The following COL15A1 variants were observed in gnomAD, a reference collection of about 807,000 sequenced individuals.
The protein encoded by COL15A1 is collagen type XV alpha 1 chain.
A neutral mutation model predicts 165.9 loss-of-function variants in COL15A1; 111 were observed. That is an observed-to-expected ratio of 0.67 (90% CI 0.57 to 0.78). The LOEUF is 0.78. Ranked by LOEUF, COL15A1 falls within the 30% of genes least tolerant of loss-of-function variation. The probability of loss-of-function intolerance (pLI) is 0.00; values close to 1 mark genes in which losing one functional copy is unlikely to be tolerated. For synonymous variants in COL15A1, 659 were observed against 674.8 expected, an observed-to-expected ratio of 0.98 and a Z score of 0.36; for missense variants, 1,745 against 1,789.7, an observed-to-expected ratio of 0.98 and a Z score of 0.45.
chr9:98,981,361 G>T (rs564813942), intron 2 of COL15A1, among the ~76,000 whole-genome samples: 20 of 152,212 alleles, frequency 1.3e-4, no homozygotes, highest in African/African-American at 4.6e-4. Flanking sequence ...GGAGGCTGAG[G>T]CAAGAGAATC....
chr9:99,027,870 A>G (rs1034011571), intron 16 of COL15A1, among the ~76,000 whole-genome samples: 1 of 152,216 alleles, frequency 6.6e-6, no homozygotes, highest in African/African-American at 2.4e-5. Context: ...AACAAAACAA[A>G]ACCAAAAAAG....
chr9:98,998,167 G>A (rs1000425095), intron 6 of COL15A1, among the ~76,000 whole-genome samples: 5 of 152,118 alleles, frequency 3.3e-5, no homozygotes, highest in African/African-American at 9.7e-5. Flanking sequence ...CATATTAGAC[G>A]TAATATTCAT....
chr9:98,980,704 G>A (rs528806532), intron 2 of COL15A1, among the ~76,000 whole-genome samples: 1 of 152,200 alleles, frequency 6.6e-6, no homozygotes, highest in African/African-American at 2.4e-5. Context: ...CTTTTGTCGA[G>A]GAGGGGTTAA....
chr9:99,033,788 A>C (rs1839250484), intron 16 of COL15A1, among the ~76,000 whole-genome samples: 2 of 151,984 alleles, frequency 1.3e-5, no homozygotes, highest in Admixed American at 1.3e-4. Flanking sequence ...GCAATTGCTG[A>C]CTTCATCTCT....
chr9:99,028,814 C>T (rs1017484818), intron 16 of COL15A1, among the ~76,000 whole-genome samples: 1 of 152,094 alleles, frequency 6.6e-6, no homozygotes, highest in African/African-American at 2.4e-5. Context: ...AACCAAATAC[C>T]ATCTGTTCCC....
intron 31 of COL15A1, among the ~76,000 whole-genome samples, chr9:99,053,825 A>G (rs181150349): frequency 6.6e-6 from 1 of 152,226 alleles, no homozygotes; most frequent in Non-Finnish European, 1.5e-5. Context: ...TTGTGGCCCC[A>G]TCTCTAGGCT....
intron 5 of COL15A1, among the ~76,000 whole-genome samples, chr9:98,996,564 G>T (rs1012919536): frequency 6.6e-6 from 1 of 152,208 alleles, no homozygotes; most frequent in African/African-American, 2.4e-5. Flanking sequence ...ATTGAGTGCA[G>T]CCTGGTTCAT....
chr9:99,029,293 T>C (rs1359513103), intron 16 of COL15A1, among the ~76,000 whole-genome samples: 1 of 152,254 alleles, frequency 6.6e-6, no homozygotes, highest in Non-Finnish European at 1.5e-5. Context: ...GAATGCTGAA[T>C]TGCCAGTAAT....
chr9:98,987,047 T>G (rs115017266), intron 3 of COL15A1, among the ~76,000 whole-genome samples: 1,648 of 152,180 alleles, frequency 0.011, 35 homozygotes, highest in African/African-American at 0.037. Flanking sequence ...TGTGCACACT[T>G]GAACACAATG....
intron 2 of COL15A1, among the ~76,000 whole-genome samples, chr9:98,952,823 T>A (rs1469524086): frequency 6.6e-6 from 1 of 152,250 alleles, no homozygotes. Context: ...CATATAATAT[T>A]TTTTCTTTTA....
At chr9:98,982,678 G>A (rs1181198934) in intron 2 of COL15A1, among the ~76,000 whole-genome samples, 1 of 151,666 alleles carries the variant, frequency 6.6e-6, no homozygotes, top group Admixed American at 6.6e-5. Context: ...GTCTCGCTCT[G>A]TCACCCAGGC....
intron 2 of COL15A1, among the ~76,000 whole-genome samples, chr9:98,946,049 T>C (rs1837579079): frequency 6.6e-6 from 1 of 152,242 alleles, no homozygotes; most frequent in South Asian, 2.1e-4. Context: ...AGTGCCCCTT[T>C]GGGGATGTGA....
rs1353346548 is a variant in COL15A1 at position 99,035,139 on chromosome 9, G to A, written c.2205G>A (p.Met735Ile). 7 of 1,597,796 alleles carry A rather than the reference G, an allele frequency of 4.4e-6. No individual in the cohort carries two copies. Among genetic ancestry groups the A allele is most frequent in the East Asian group, 2.2e-5 (1 of 44,790 alleles). ...GGCCCCCAGGCCCTGGATGCACAAT[G>A]GGACTTGGATTCGAGGTACTTTTCC... ...PPGPPGPGCT[M>I]GLGFEDTEGS... is the part of the protein sequence containing the mutation. The change falls in exon 18 of 42, where the codon ATG (methionine) becomes ATA (isoleucine). Residue 735 changes from methionine (M) to isoleucine (I), a missense_variant. Physicochemically the swap from Met to Ile is conservative, Grantham distance 10. Coordinates refer to ENST00000375001, the MANE Select transcript of COL15A1 (RefSeq NM_001855.5).
At chr9:99,055,465 T>C (rs1825708808) in intron 34 of COL15A1, 93 bp downstream of exon 34, 1 of 746,210 alleles carries the variant, frequency 1.3e-6, no homozygotes, top group Admixed American at 2.4e-5. Flanking sequence ...CTAGTCATTG[T>C]ACTATAAGCT....
At chr9:98,987,214 G>A (rs1838330405) in intron 3 of COL15A1, 80 bp from the exon 4 acceptor site, 3 of 1,398,154 alleles carry the variant, frequency 2.1e-6, no homozygotes, top group Non-Finnish European at 3.0e-6. Flanking sequence ...CGTCTCCATT[G>A]CCAAAACAAT....
At chr9:99,062,807 A>C (rs1162753705) in intron 38 of COL15A1, among the ~76,000 whole-genome samples, 1 of 152,160 alleles carries the variant, frequency 6.6e-6, no homozygotes, top group African/African-American at 2.4e-5. Context: ...TGGGTTTATC[A>C]AAAAGAATGC....
chr9:98,986,217 C>T, intron 3 of COL15A1, 105 bp downstream of exon 3: 1 of 917,854 alleles, frequency 1.1e-6, no homozygotes. Context: ...CTTATGTCCT[C>T]AAAGAAGCAT....
At chr9:98,959,369 TTC>T (rs1452173749) in intron 2 of COL15A1, among the ~76,000 whole-genome samples, 1 of 151,866 alleles carries the variant, frequency 6.6e-6, no homozygotes, top group Non-Finnish European at 1.5e-5. Flanking sequence ...CAGAATTAGT[TTC>T]TTTAAAACAA....
At chr9:98,984,653 G>A (rs945077432) in intron 2 of COL15A1, among the ~76,000 whole-genome samples, 42 of 152,314 alleles carry the variant, frequency 2.8e-4, no homozygotes, top group African/African-American at 9.4e-4. Flanking sequence ...TGGCGGTGAT[G>A]TCAAAGGCGA....
Sources: allele counts gnomAD v4.1 joint callset (sites outside exome capture counted in the v4.1 genomes callset), GRCh38; gene constraint gnomAD v4.1.1; transcripts MANE v1.5; gene names NCBI Gene and HGNC (gene_info 2026-07-23, HGNC 2026-07-21).